Variants in TNR observed in about 807,000 individuals in gnomAD.
TNR encodes tenascin-R.
TNR carries 45 observed loss-of-function variants against 150.4 expected under a neutral mutation model. That is an observed-to-expected ratio of 0.30 (90% CI 0.24 to 0.38). The LOEUF (loss-of-function observed/expected upper bound fraction) is 0.38, where lower values mean the gene tolerates loss of function less well. TNR is among the 10% of genes least tolerant of loss of function. TNR has a pLI of 1.00. For synonymous variants in TNR, 687 were observed against 678.4 expected (o/e 1.01, Z -0.20); for missense variants, 1,544 against 1,759.1 (o/e 0.88, Z 2.19).
chr1:175,616,073 T>C (rs935146933), intron 1 of TNR, among the ~76,000 whole-genome samples: 1 of 152,228 alleles, frequency 6.6e-6, no homozygotes, highest in Non-Finnish European at 1.5e-5. Flanking sequence ...CTGTTCTTTC[T>C]GCGTGGGACA....
intron 1 of TNR, among the ~76,000 whole-genome samples, chr1:175,586,222 G>C (rs1662563548): frequency 6.6e-6 from 1 of 152,138 alleles, no homozygotes; most frequent in Non-Finnish European, 1.5e-5. Flanking sequence ...ATGCTGGGTA[G>C]GGGGATTTGT....
At chr1:175,329,983 C>T in intron 21 of TNR, 91 bp downstream of exon 21, 5 of 1,327,008 alleles carry the variant, frequency 3.8e-6, no homozygotes, top group Non-Finnish European at 4.0e-6. Context: ...TCTGTGGGTG[C>T]TGCTGCTTCC....
intron 1 of TNR, among the ~76,000 whole-genome samples, chr1:175,608,780 G>T (rs937836005): frequency 6.6e-6 from 1 of 152,186 alleles, no homozygotes; most frequent in Non-Finnish European, 1.5e-5. Flanking sequence ...AAATTTATTG[G>T]TAATCAGAAA....
chr1:175,663,027 T>A (rs1325684632), intron 1 of TNR, among the ~76,000 whole-genome samples: 1 of 152,212 alleles, frequency 6.6e-6, no homozygotes, highest in Non-Finnish European at 1.5e-5. Context: ...ACGAGATAAT[T>A]CATGTAACAT....
intron 2 of TNR, among the ~76,000 whole-genome samples, chr1:175,407,352 C>T (rs1654012931): frequency 6.6e-6 from 1 of 152,182 alleles, no homozygotes; most frequent in African/African-American, 2.4e-5. Context: ...TTGTGATTAT[C>T]TAGGGCTGTG....
intron 2 of TNR, among the ~76,000 whole-genome samples, chr1:175,453,528 G>T (rs951849745): frequency 1.3e-5 from 2 of 151,762 alleles, no homozygotes; most frequent in Non-Finnish European, 2.9e-5. Context: ...GCAGTTTTTT[G>T]GTTTTTAAAC....
At position 175,682,425 on chromosome 1, in the gene TNR, CT is replaced by C. The variant is rs943385479; in HGVS notation, c.-165+60800del. 4.6e-5 allele frequency among the ~76,000 whole-genome samples: 7 copies of C among 152,174 alleles called. 1 individual carries two copies. The highest frequency in any genetic ancestry group is 4.6e-4 in the Admixed American group (7 of 15,274). On this transcript the variant is annotated intron_variant, in intron 1 of 22. Coordinates refer to ENST00000367674, the MANE Select transcript of TNR (RefSeq NM_003285.3). ...TACAGTCAGACAGTCAGGGTGCAGC[CT>C]CCAGAGCCTCCACTCTTTCCATATC...
intron 2 of TNR, among the ~76,000 whole-genome samples, chr1:175,415,672 T>C (rs1035512953): frequency 1.3e-5 from 2 of 152,202 alleles, no homozygotes; most frequent in Non-Finnish European, 2.9e-5. Context: ...CAGTGGGTGG[T>C]ATATGGGACC....
chr1:175,688,764 T>A (rs1666271756), intron 1 of TNR, among the ~76,000 whole-genome samples: 1 of 150,402 alleles, frequency 6.6e-6, no homozygotes, highest in African/African-American at 2.5e-5. Flanking sequence ...AAGTTTCTGT[T>A]TGTTTTTTCC....
intron 2 of TNR, among the ~76,000 whole-genome samples, chr1:175,513,181 C>T (rs1332805887): frequency 2.6e-5 from 4 of 152,160 alleles, no homozygotes; most frequent in Non-Finnish European, 4.4e-5. Context: ...TCAAGTGCTT[C>T]TGCGTGGGCT....
intron 1 of TNR, among the ~76,000 whole-genome samples, chr1:175,546,721 G>C (rs1344289478): frequency 2.0e-5 from 3 of 152,206 alleles, no homozygotes; most frequent in African/African-American, 7.2e-5. Flanking sequence ...TCAGTGTTCA[G>C]AGGATGCTCT....
At chr1:175,611,367 C>G (rs1663593349) in intron 1 of TNR, among the ~76,000 whole-genome samples, 1 of 151,910 alleles carries the variant, frequency 6.6e-6, no homozygotes, top group African/African-American at 2.4e-5. Context: ...GGGTCTTGCT[C>G]TGTTGCCCAG....
At chr1:175,672,433 T>C (rs1665731308) in intron 1 of TNR, among the ~76,000 whole-genome samples, 1 of 152,198 alleles carries the variant, frequency 6.6e-6, no homozygotes, top group Non-Finnish European at 1.5e-5. Context: ...TTCCACCATT[T>C]GATTTTATTT....
intron 2 of TNR, among the ~76,000 whole-genome samples, chr1:175,446,864 T>C (rs1656074074): frequency 6.6e-6 from 1 of 152,124 alleles, no homozygotes; most frequent in South Asian, 2.1e-4. Flanking sequence ...TGTGTGTTCA[T>C]GTGTCTGTAC....
At chr1:175,430,541 G>A (rs1655217511) in intron 2 of TNR, among the ~76,000 whole-genome samples, 1 of 152,122 alleles carries the variant, frequency 6.6e-6, no homozygotes, top group Admixed American at 6.5e-5. Flanking sequence ...TCCAAGACAT[G>A]GAATCAGAAA....
intron 1 of TNR, among the ~76,000 whole-genome samples, chr1:175,650,374 T>C (rs1664924209): frequency 6.6e-6 from 1 of 151,992 alleles, no homozygotes; most frequent in Admixed American, 6.5e-5. Flanking sequence ...CAGAGCAAGA[T>C]GGTTTCAAAG....
At chr1:175,348,668 A>G (rs1650912412) in intron 18 of TNR, among the ~76,000 whole-genome samples, 1 of 152,318 alleles carries the variant, frequency 6.6e-6, no homozygotes, top group African/African-American at 2.4e-5. Flanking sequence ...CCACAAACCA[A>G]TACAGAACAG....
intron 1 of TNR, among the ~76,000 whole-genome samples, chr1:175,617,423 C>T (rs1663816847): frequency 6.6e-6 from 1 of 152,204 alleles, no homozygotes; most frequent in South Asian, 2.1e-4. Context: ...GGTCTGGGAG[C>T]TAAGGTCGGC....
At chr1:175,496,962 C>T (rs1658514678) in intron 2 of TNR, among the ~76,000 whole-genome samples, 1 of 152,172 alleles carries the variant, frequency 6.6e-6, no homozygotes, top group Non-Finnish European at 1.5e-5. Context: ...CTGCCTTTCC[C>T]CCGTAAGTCC....
Sources: gnomAD v4.1 joint callset for allele counts (sites outside exome capture counted in the v4.1 genomes callset) on GRCh38, gnomAD v4.1.1 for gene constraint, MANE v1.5 for transcripts, NCBI Gene and HGNC (gene_info 2026-07-23, HGNC 2026-07-21) for gene names.